Variants in CDH11 observed in about 807,000 individuals in gnomAD.
CDH11 encodes the protein cadherin 11.
Under a neutral mutation model 67.8 loss-of-function variants are expected in CDH11, and 11 were observed. The ratio of observed to expected loss-of-function variants is 0.16; its 90% CI spans 0.10 to 0.27. The LOEUF (loss-of-function observed/expected upper bound fraction) is 0.27. CDH11 is among the 10% of genes least tolerant of loss of function. CDH11 has a pLI of 1.00. For synonymous variants in CDH11, 419 were observed against 400.0 expected, an observed-to-expected ratio of 1.05 and a Z score of -0.57; for missense variants, 847 against 1,031.2, an observed-to-expected ratio of 0.82 and a Z score of 2.45.
chr16:65,007,626 C>A (rs1022301626), intron 2 of CDH11, among the ~76,000 whole-genome samples: 1 of 152,142 alleles, frequency 6.6e-6, no homozygotes, highest in African/African-American at 2.4e-5. Flanking sequence ...GAATCTGGCA[C>A]TAATTTGCCA....
intron 1 of CDH11, among the ~76,000 whole-genome samples, chr16:65,087,204 G>A (rs190363933): frequency 8.1e-4 from 123 of 152,286 alleles, no homozygotes; most frequent in African/African-American, 2.9e-3. Flanking sequence ...AGCAGAGCCT[G>A]AGCAATTTCA....
chr16:64,983,137 CTT>C (rs71758453), intron 7 of CDH11: 1 of 72,768 alleles, frequency 1.4e-5, no homozygotes, highest in Non-Finnish European at 3.8e-5. Context: ...TAAAATGCTT[CTT>C]TTTTTAAAAA....
At chr16:65,122,077 C>G, upstream of CDH11, 1 of 429,090 alleles carries the variant, frequency 2.3e-6, no homozygotes, top group Admixed American at 3.1e-5. Flanking sequence ...CCGCCGAGCG[C>G]GCTAGTGGCA....
At chr16:65,072,510 A>C (rs1567561900) in intron 1 of CDH11, among the ~76,000 whole-genome samples, 1 of 150,478 alleles carries the variant, frequency 6.6e-6, no homozygotes, top group Non-Finnish European at 1.5e-5. Context: ...TTCTTGTCCA[A>C]TTTTTTTTTT....
chr16:65,043,798 G>A (rs949959537), intron 2 of CDH11, among the ~76,000 whole-genome samples: 6 of 152,096 alleles, frequency 3.9e-5, no homozygotes, highest in African/African-American at 1.2e-4. Context: ...TAGGTTTCTT[G>A]TCCTGTGGTT....
chr16:64,966,842 G>T (rs1194668003), intron 11 of CDH11, among the ~76,000 whole-genome samples: 2 of 152,128 alleles, frequency 1.3e-5, no homozygotes, highest in Non-Finnish European at 2.9e-5. Flanking sequence ...TATGCAGTAG[G>T]TATGGTAGGT....
chr16:65,045,368 T>TATATATATATAC (rs2073943480), intron 2 of CDH11, among the ~76,000 whole-genome samples: 2 of 124,142 alleles, frequency 1.6e-5, no homozygotes, highest in Admixed American at 1.7e-4. Context: ...TATATATATA[T>TATATATATATAC]ATATGAACTG....
chr16:64,951,113 A>T, intron 11 of CDH11, 95 bp from the exon 12 acceptor site: 1 of 1,251,766 alleles, frequency 8.0e-7, no homozygotes, highest in South Asian at 1.4e-5. Context: ...CTCTCTTATC[A>T]TAAAGGTTAA....
chr16:65,089,703 T>A (rs2074762560), intron 1 of CDH11, among the ~76,000 whole-genome samples: 1 of 152,312 alleles, frequency 6.6e-6, no homozygotes, highest in African/African-American at 2.4e-5. Flanking sequence ...TAGTTTCTTT[T>A]GCGTGTTACA....
At chr16:65,096,626 T>C (rs943491599) in intron 1 of CDH11, among the ~76,000 whole-genome samples, 1 of 150,924 alleles carries the variant, frequency 6.6e-6, no homozygotes, top group African/African-American at 2.4e-5. Flanking sequence ...ACACCAACTA[T>C]ATAGATTTGG....
chr16:65,067,687 C>T (rs904733827), intron 1 of CDH11, among the ~76,000 whole-genome samples: 2 of 132,308 alleles, frequency 1.5e-5, no homozygotes, highest in African/African-American at 5.8e-5. Context: ...AAAGGTGAGA[C>T]AGAGAAAGAG....
intron 2 of CDH11, among the ~76,000 whole-genome samples, chr16:65,027,729 G>A (rs1363558154): frequency 6.6e-6 from 1 of 152,176 alleles, no homozygotes; most frequent in Non-Finnish European, 1.5e-5. Flanking sequence ...TTCAGAGGCT[G>A]CTCCTGCTTC....
chr16:64,992,037 T>A lies in CDH11; in HGVS notation c.644-102A>T, dbSNP rs1234000304. On this transcript the variant is annotated intron_variant, in intron 5 of 12. Coordinates refer to ENST00000268603, the MANE Select transcript of CDH11 (RefSeq NM_001797.4). Reference sequence around the variant, plus strand: ...AAGCAATGCTGAATAAAATATCCCATGCCCTCAGCAAGAATCATTTCAACA... The same window carrying A: ...AAGCAATGCTGAATAAAATATCCCAAGCCCTCAGCAAGAATCATTTCAACA... 4.0e-6 allele frequency: 3 copies of A among 745,966 alleles called. No homozygotes were observed. The Admixed American group carries it at 7.5e-5, about 19-fold the overall frequency. 46.2% of individuals were successfully genotyped at this position (745,966 alleles called of 1,614,324 possible).
chr16:65,060,060 G>A (rs577289436), intron 1 of CDH11, among the ~76,000 whole-genome samples: 2 of 152,206 alleles, frequency 1.3e-5, no homozygotes, highest in Non-Finnish European at 2.9e-5. Context: ...TATTGCGTTG[G>A]TGCTTCTACA....
intron 8 of CDH11, among the ~76,000 whole-genome samples, chr16:64,976,111 C>A (rs1205419747): frequency 6.6e-6 from 1 of 152,046 alleles, no homozygotes; most frequent in Admixed American, 6.6e-5. Context: ...TAAAAATGCA[C>A]AACAGACAGT....
intron 12 of CDH11, among the ~76,000 whole-genome samples, chr16:64,950,374 T>C (rs2142370147): frequency 6.6e-6 from 1 of 152,262 alleles, no homozygotes; most frequent in East Asian, 1.9e-4. Context: ...AGCCTTATTC[T>C]TTCTCTTGTG....
intron 5 of CDH11, 24 bp from the exon 6 acceptor site, chr16:64,991,959 C>T: frequency 6.5e-7 from 1 of 1,536,500 alleles, no homozygotes; most frequent in East Asian, 2.3e-5. Flanking sequence ...CAGGCAACAT[C>T]ACAGATATTC....
chr16:65,008,818 T>C (rs1473396585), intron 2 of CDH11, among the ~76,000 whole-genome samples: 1 of 152,144 alleles, frequency 6.6e-6, no homozygotes, highest in Non-Finnish European at 1.5e-5. Flanking sequence ...ATGTGGGAAG[T>C]AAATTACTAT....
At chr16:65,006,787 G>T (rs558448734) in intron 2 of CDH11, 4 of 152,338 alleles carry the variant, frequency 2.6e-5, no homozygotes, top group East Asian at 3.9e-4. Context: ...GGACCCAGCG[G>T]GAGGCAATTG....
Sources: gnomAD v4.1 joint callset for allele counts (sites outside exome capture counted in the v4.1 genomes callset) on GRCh38, gnomAD v4.1.1 for gene constraint, MANE v1.5 for transcripts, NCBI Gene and HGNC (gene_info 2026-07-23, HGNC 2026-07-21) for gene names.